MEI4: variants seen among roughly 807,000 people sequenced by gnomAD.
The protein encoded by MEI4 is meiosis-specific protein MEI4.
A neutral mutation model predicts 31.4 loss-of-function variants in MEI4; 27 were observed. The ratio of observed to expected loss-of-function variants is 0.86; its 90% CI spans 0.63 to 1.19. The LOEUF is 1.19. Among genes scored for constraint, MEI4 ranks in the 50% most tolerant of loss-of-function variants. The pLI is 0.00. For synonymous variants in MEI4, 122 were observed against 145.4 expected, an observed-to-expected ratio of 0.84 and a Z score of 1.16; for missense variants, 329 against 398.9, an observed-to-expected ratio of 0.82 and a Z score of 1.49.
intron 1 of MEI4, among the ~76,000 whole-genome samples, chr6:77,654,887 AT>A (rs575535098): frequency 1.3e-5 from 2 of 151,698 alleles, no homozygotes; most frequent in African/African-American, 2.4e-5. Flanking sequence ...TTTTCTTTTT[AT>A]TTTTTTGTTT....
chr6:77,824,963 ATCACTTGT>A (rs1371155679), intron 3 of MEI4, among the ~76,000 whole-genome samples: 2 of 152,112 alleles, frequency 1.3e-5, no homozygotes, highest in African/African-American at 2.4e-5. Flanking sequence ...ACCAATCTCT[ATCACTTGT>A]TCACTTGTTC....
chr6:77,784,661 T>C (rs2127692570), intron 3 of MEI4, among the ~76,000 whole-genome samples: 1 of 152,282 alleles, frequency 6.6e-6, no homozygotes, highest in East Asian at 1.9e-4. Flanking sequence ...TACAAAGCAC[T>C]TTTAAAATTT....
At chr6:77,848,675 A>G (rs929172624) in intron 4 of MEI4, among the ~76,000 whole-genome samples, 4 of 152,010 alleles carry the variant, frequency 2.6e-5, no homozygotes, top group Non-Finnish European at 5.9e-5. Flanking sequence ...CCTCTAAACT[A>G]CTCTCTCAAG....
At chr6:77,794,753 A>G (rs561888234) in intron 3 of MEI4, among the ~76,000 whole-genome samples, 164 of 152,312 alleles carry the variant, frequency 1.1e-3, no homozygotes, top group Non-Finnish European at 1.7e-3. Flanking sequence ...CAAATGGCCC[A>G]AACAGACATA....
intron 4 of MEI4, among the ~76,000 whole-genome samples, chr6:77,857,797 G>C (rs1770779486): frequency 6.6e-6 from 1 of 152,148 alleles, no homozygotes. Context: ...CCAACAGTTG[G>C]TGAATACATT....
chr6:77,661,861 G>A (rs142078333), intron 1 of MEI4, among the ~76,000 whole-genome samples: 1,607 of 152,266 alleles, frequency 0.011, 29 homozygotes, highest in African/African-American at 0.036. Flanking sequence ...AAAACTGGCC[G>A]TGAGGGACAG....
chr6:77,804,546 C>T (rs1394872362), intron 3 of MEI4, among the ~76,000 whole-genome samples: 3 of 152,194 alleles, frequency 2.0e-5, no homozygotes, highest in Non-Finnish European at 4.4e-5. Flanking sequence ...CTATTTCGCT[C>T]ACGCTGGGAT....
chr6:77,912,382 G>T (rs1344354915), intron 4 of MEI4, among the ~76,000 whole-genome samples: 1 of 151,944 alleles, frequency 6.6e-6, no homozygotes, highest in Non-Finnish European at 1.5e-5. Context: ...ATTTTAAAAA[G>T]GATTGTATTG....
intron 1 of MEI4, among the ~76,000 whole-genome samples, chr6:77,678,350 G>A (rs62418197): frequency 0.049 from 7,439 of 152,252 alleles, 227 homozygotes; most frequent in Non-Finnish European, 0.073. Context: ...GTTTGGATTT[G>A]TGATCTCTAA....
intron 1 of MEI4, among the ~76,000 whole-genome samples, chr6:77,659,230 G>A (rs1398017040): frequency 3.3e-5 from 5 of 151,982 alleles, no homozygotes; most frequent in African/African-American, 9.7e-5. Context: ...TTGTCGTGTC[G>A]GTGTCATGAG....
chr6:77,726,918 A>C (rs1460633940), intron 2 of MEI4, among the ~76,000 whole-genome samples: 1 of 140,660 alleles, frequency 7.1e-6, no homozygotes, highest in East Asian at 1.9e-4. Context: ...TGGTGCTTTA[A>C]ATAAATAACG....
At chr6:77,860,732 C>T (rs1326870542) in intron 4 of MEI4, among the ~76,000 whole-genome samples, 1 of 152,074 alleles carries the variant, frequency 6.6e-6, no homozygotes, top group East Asian at 1.9e-4. Context: ...CAAAATACAA[C>T]TCAAAGCTCT....
intron 2 of MEI4, among the ~76,000 whole-genome samples, chr6:77,734,462 C>T (rs1399991179): frequency 6.6e-6 from 1 of 151,948 alleles, no homozygotes; most frequent in Non-Finnish European, 1.5e-5. Flanking sequence ...ATTGCAACCC[C>T]TGCCTTTTTT....
At chr6:77,733,819 T>G in intron 2 of MEI4, among the ~76,000 whole-genome samples, 1 of 152,058 alleles carries the variant, frequency 6.6e-6, no homozygotes, top group Non-Finnish European at 1.5e-5. Context: ...GAGATTCTGG[T>G]ATGTTGTATG....
intron 4 of MEI4, among the ~76,000 whole-genome samples, chr6:77,844,665 G>T (rs369979793): frequency 6.6e-6 from 1 of 152,074 alleles, no homozygotes; most frequent in Admixed American, 6.6e-5. Flanking sequence ...ATTATGCAGG[G>T]AATATATCAG....
chr6:77,838,220 G>A (rs186700687), intron 4 of MEI4, among the ~76,000 whole-genome samples: 25 of 152,128 alleles, frequency 1.6e-4, no homozygotes, highest in Admixed American at 9.8e-4. Flanking sequence ...CATCTTCTGT[G>A]GAAGACAGGT....
At chr6:77,911,515 T>C (rs1766434530) in intron 4 of MEI4, among the ~76,000 whole-genome samples, 1 of 151,944 alleles carries the variant, frequency 6.6e-6, no homozygotes, top group Non-Finnish European at 1.5e-5. Context: ...TTGCTGTTCA[T>C]GTGTACTCAA....
intron 4 of MEI4, among the ~76,000 whole-genome samples, chr6:77,921,655 G>A (rs996488658): frequency 6.6e-6 from 1 of 151,736 alleles, no homozygotes; most frequent in Non-Finnish European, 1.5e-5. Context: ...ATTTAAAATT[G>A]GAGATAGGCA....
intron 3 of MEI4, among the ~76,000 whole-genome samples, chr6:77,804,397 C>A (rs572893583): frequency 6.6e-6 from 1 of 152,230 alleles, no homozygotes; most frequent in South Asian, 2.1e-4. Flanking sequence ...ACCCCTTGCA[C>A]TTCTTGGGTG....
Sources: allele counts gnomAD v4.1 joint callset (sites outside exome capture counted in the v4.1 genomes callset), GRCh38; gene constraint gnomAD v4.1.1; transcripts MANE v1.5; gene names NCBI Gene and HGNC (gene_info 2026-07-23, HGNC 2026-07-21).